DNAJC16: variants seen among roughly 807,000 people sequenced by gnomAD.
The protein encoded by DNAJC16 is DnaJ heat shock protein family (Hsp40) member C16.
Under a neutral mutation model 92.7 loss-of-function variants are expected in DNAJC16, and 76 were observed. That is an observed-to-expected ratio of 0.82 (90% CI 0.68 to 0.99). The LOEUF (loss-of-function observed/expected upper bound fraction) is 0.99. DNAJC16 is among the 50% of genes least tolerant of loss of function. The pLI, the probability that DNAJC16 is intolerant of heterozygous loss-of-function variation, is 0.00. For missense variants in DNAJC16, 869 were observed against 942.4 expected (o/e 0.92, Z 1.02); for synonymous variants, 328 against 358.7 (o/e 0.91, Z 0.97).
intron 2 of DNAJC16, 136 bp from the exon 3 acceptor site, chr1:15,534,101 A>G: frequency 1.3e-6 from 1 of 771,340 alleles, no homozygotes. Context: ...GATTGCCTCT[A>G]TCATTTATTT....
intron 13 of DNAJC16, chr1:15,566,481 G>T: frequency 2.8e-6 from 1 of 359,122 alleles, no homozygotes; most frequent in East Asian, 5.8e-5. Context: ...AACCAGTCTT[G>T]TGCGCACACA....
intron 9 of DNAJC16, among the ~76,000 whole-genome samples, chr1:15,563,663 T>TAA (rs57751838): frequency 0.012 from 638 of 53,172 alleles, 28 homozygotes; most frequent in Non-Finnish European, 0.015. Flanking sequence ...CCATCTCTAC[T>TAA]AAAAAAAAAA....
intron 9 of DNAJC16, among the ~76,000 whole-genome samples, chr1:15,563,537 AAAC>A (rs1638737579): frequency 6.8e-6 from 1 of 148,148 alleles, no homozygotes; most frequent in Admixed American, 6.8e-5. Flanking sequence ...CTCAAAAAAC[AAAC>A]AACTGGGCCA....
At chr1:15,557,636 C>A (rs936047892) in intron 7 of DNAJC16, among the ~76,000 whole-genome samples, 2 of 151,874 alleles carry the variant, frequency 1.3e-5, no homozygotes, top group African/African-American at 4.8e-5. Flanking sequence ...CCTTCAAGTA[C>A]TACTTTATAT....
intron 2 of DNAJC16, 115 bp from the exon 3 acceptor site, chr1:15,534,122 T>A (rs957060869): frequency 1.1e-6 from 1 of 951,968 alleles, no homozygotes; most frequent in Non-Finnish European, 1.5e-6. Flanking sequence ...TAAGAAACTT[T>A]CCTAACAAAA....
chr1:15,552,305 G>A (rs1023628318), intron 7 of DNAJC16, among the ~76,000 whole-genome samples: 4 of 151,856 alleles, frequency 2.6e-5, no homozygotes, highest in Non-Finnish European at 5.9e-5. Flanking sequence ...GCCCAATATG[G>A]TGAAACCCTG....
At chr1:15,549,235 G>T (rs1158160913) in intron 7 of DNAJC16, among the ~76,000 whole-genome samples, 1 of 152,162 alleles carries the variant, frequency 6.6e-6, no homozygotes, top group Non-Finnish European at 1.5e-5. Flanking sequence ...AAGAACTTTG[G>T]CTGTGGACAT....
intron 6 of DNAJC16, among the ~76,000 whole-genome samples, 194 bp downstream of exon 6, chr1:15,547,065 CCA>C (rs1638326697): frequency 6.6e-6 from 1 of 151,846 alleles, no homozygotes; most frequent in South Asian, 2.1e-4. Context: ...CTGATTAATG[CCA>C]GTTACTGTGT....
Position 15,536,592 on chromosome 1 carries a change from A to G in DNAJC16, c.352A>G (p.Asn118Asp), listed in dbSNP as rs1283092961. 1.9e-6 allele frequency: 3 copies of G among 1,614,156 alleles called. No individual in the cohort carries two copies. The highest frequency in any genetic ancestry group is 2.5e-6 in the Non-Finnish European group (3 of 1,180,030). The change falls in exon 4 of 15, where the codon AAT (asparagine) becomes GAT (aspartate). Residue 118 changes from asparagine (N) to aspartate (D), a missense_variant. By Grantham distance (23) the Asn-to-Asp change is conservative. Coordinates refer to ENST00000375847, the MANE Select transcript of DNAJC16 (RefSeq NM_015291.4). ...GTATCGCTTCCGCCATTTCCATGAA[A>G]ATTTTTATTTTGATGAATCCTTTTT... is the stretch of plus-strand genomic sequence containing the variant. ...REYRFRHFHE[N>D]FYFDESFFHF...
intron 7 of DNAJC16, among the ~76,000 whole-genome samples, chr1:15,558,830 G>T (rs533946188): frequency 6.6e-6 from 1 of 152,112 alleles, no homozygotes; most frequent in African/African-American, 2.4e-5. Flanking sequence ...TTGTTGCTTT[G>T]GGATTTATTT....
At chr1:15,529,807 C>A (rs1710612556) in intron 2 of DNAJC16, among the ~76,000 whole-genome samples, 1 of 151,978 alleles carries the variant, frequency 6.6e-6, no homozygotes, top group Admixed American at 6.6e-5. Flanking sequence ...CCCAGAAATA[C>A]CAAAGTCATT....
At chr1:15,558,947 G>A (rs189004924) in intron 7 of DNAJC16, among the ~76,000 whole-genome samples, 1 of 152,176 alleles carries the variant, frequency 6.6e-6, no homozygotes, top group East Asian at 1.9e-4. Flanking sequence ...GTTTGGTTTT[G>A]TTTTGTTTTT....
chr1:15,556,666 T>C (rs937586787), intron 7 of DNAJC16, among the ~76,000 whole-genome samples: 8 of 152,228 alleles, frequency 5.3e-5, no homozygotes, highest in Non-Finnish European at 1.2e-4. Flanking sequence ...TTACTTCTTT[T>C]TTTTTCCAGC....
Position 15,544,493 on chromosome 1 carries a change from C to T in DNAJC16, c.669C>T (p.Asn223=), listed in dbSNP as rs111431848. The T allele has an allele frequency of 2.8e-5, 45 of 1,614,182 alleles. No individual in the cohort carries two copies. The highest frequency in any genetic ancestry group is 1.6e-4 in the Middle Eastern group (1 of 6,062). ...HSTPSILGII[N]GKISFFHNAV... ...CGCCCTCTATCCTAGGAATCATTAACGGGAAAATCTCCTTCTTCCACAATG... is the reference window on the plus strand; with the variant it reads ...CGCCCTCTATCCTAGGAATCATTAATGGGAAAATCTCCTTCTTCCACAATG... The change falls in exon 5 of 15, where the codon AAC becomes AAT. Residue 223 remains asparagine, a synonymous_variant. Transcript: ENST00000375847.
chr1:15,544,130 A>G (rs1386558259), intron 4 of DNAJC16, among the ~76,000 whole-genome samples: 2 of 147,854 alleles, frequency 1.4e-5, no homozygotes, highest in Non-Finnish European at 3.0e-5. Context: ...AGATGACCCC[A>G]TTTTGTTTTA....
At position 15,560,277 on chromosome 1, in the gene DNAJC16, A is replaced by T. The variant is rs1391353722; in HGVS notation, c.1154+621A>T. 10 of 152,384 alleles carry T rather than the reference A, an allele frequency of 6.6e-5. No homozygotes were observed. In the South Asian group the frequency reaches 2.1e-3, roughly 32 times the overall value. 9.4% of individuals were successfully genotyped at this position (152,384 alleles called of 1,614,324 possible). A position where few individuals can be genotyped will look rare whatever the true frequency, so the allele number is the denominator to read the frequency against. ...TCTGGGATAGACTGGGTCACTTTAC[A>T]GAAGCACAGAATATGGAAGAGTGAC... On this transcript the variant is annotated intron_variant, in intron 8 of 14. Transcript: ENST00000375847.
intron 3 of DNAJC16, among the ~76,000 whole-genome samples, chr1:15,535,243 G>A (rs889741844): frequency 5.3e-5 from 8 of 152,200 alleles, no homozygotes; most frequent in Non-Finnish European, 1.0e-4. Context: ...CACCAGGTAT[G>A]ACCAGGTCAA....
At chr1:15,567,747 C>A in intron 14 of DNAJC16, 31 bp from the exon 15 acceptor site, 2 of 1,586,646 alleles carry the variant, frequency 1.3e-6, no homozygotes, top group South Asian at 1.2e-5. Context: ...TCAGGAAATG[C>A]CCTGAGTCCT....
At chr1:15,539,332 G>A (rs1198305898) in intron 4 of DNAJC16, among the ~76,000 whole-genome samples, 5 of 151,312 alleles carry the variant, frequency 3.3e-5, no homozygotes, top group East Asian at 3.9e-4. Context: ...TGCAAGCTCC[G>A]CCTCCCAGGT....
Sources: gnomAD v4.1 joint callset for allele counts (sites outside exome capture counted in the v4.1 genomes callset) on GRCh38, gnomAD v4.1.1 for gene constraint, MANE v1.5 for transcripts, NCBI Gene and HGNC (gene_info 2026-07-23, HGNC 2026-07-21) for gene names.